NFE2L2: variants seen among roughly 807,000 people sequenced by gnomAD.
NFE2L2 encodes nuclear factor erythroid 2-related factor 2.
A neutral mutation model predicts 49.6 loss-of-function variants in NFE2L2; 20 were observed. That is an observed-to-expected ratio of 0.40 (90% CI 0.28 to 0.59). NFE2L2 has a LOEUF of 0.59. Among genes scored for constraint, NFE2L2 ranks in the 20% least tolerant of loss-of-function variants. The pLI is 0.40. For missense variants in NFE2L2, 578 were observed against 714.2 expected (o/e 0.81, Z 2.17); for synonymous variants, 244 against 256.5 (o/e 0.95, Z 0.47).
chr2:177,233,466 A>AT, intron 2 of NFE2L2, 127 bp from the exon 3 acceptor site: 1 of 763,566 alleles, frequency 1.3e-6, no homozygotes, highest in South Asian at 1.9e-5. Flanking sequence ...ATCTTATTTC[A>AT]GAGATCACTT....
intron 1 of NFE2L2, among the ~76,000 whole-genome samples, chr2:177,245,582 G>A (rs1690093886): frequency 6.6e-6 from 1 of 151,828 alleles, no homozygotes; most frequent in Non-Finnish European, 1.5e-5. Flanking sequence ...CCTCACTACA[G>A]TAGCATGAGG....
chr2:177,247,864 C>T (rs111510170), intron 1 of NFE2L2, among the ~76,000 whole-genome samples: 48 of 152,182 alleles, frequency 3.2e-4, no homozygotes, highest in African/African-American at 9.9e-4. Context: ...GGCTGGGGTA[C>T]CCGCAGATAA....
At chr2:177,243,740 A>G (rs529607861) in intron 1 of NFE2L2, among the ~76,000 whole-genome samples, 5 of 152,246 alleles carry the variant, frequency 3.3e-5, no homozygotes, top group Middle Eastern at 6.8e-3. Flanking sequence ...CTTGGCCCCA[A>G]CTGATCCTCC....
chr2:177,264,474 C>T, intron 1 of NFE2L2, 58 bp downstream of exon 1: 1 of 1,500,588 alleles, frequency 6.7e-7, no homozygotes, highest in South Asian at 1.2e-5. Context: ...CCGCGGTTCC[C>T]TAGCTCCCCC....
At chr2:177,246,239 A>T (rs115761043) in intron 1 of NFE2L2, among the ~76,000 whole-genome samples, 2,484 of 151,716 alleles carry the variant, frequency 0.016, 65 homozygotes, top group African/African-American at 0.057. Context: ...AATCAGGACA[A>T]CTCCCTTGCA....
chr2:177,240,521 T>G (rs1244960380), intron 1 of NFE2L2, among the ~76,000 whole-genome samples: 1 of 152,202 alleles, frequency 6.6e-6, no homozygotes, highest in Non-Finnish European at 1.5e-5. Flanking sequence ...CAAATTATGT[T>G]GCTAGCTTGG....
intron 3 of NFE2L2, 166 bp from the exon 4 acceptor site, chr2:177,232,749 C>T (rs1287346944): frequency 6.2e-6 from 4 of 643,026 alleles, no homozygotes; most frequent in Admixed American, 3.0e-5. Flanking sequence ...TTTCCTACCC[C>T]ACTGACTCAA....
intron 1 of NFE2L2, among the ~76,000 whole-genome samples, chr2:177,237,350 A>G (rs560123374): frequency 5.3e-4 from 81 of 152,324 alleles, no homozygotes; most frequent in Non-Finnish European, 8.8e-5. Context: ...AATAGCAACC[A>G]CAGAGCATTC....
intron 1 of NFE2L2, chr2:177,263,702 C>T (rs1690829515): frequency 5.1e-6 from 5 of 985,510 alleles, no homozygotes; most frequent in Non-Finnish European, 6.0e-6. Flanking sequence ...CCGCCGACTC[C>T]GGCCTCAGAG....
At chr2:177,256,816 T>G (rs913662510) in intron 1 of NFE2L2, among the ~76,000 whole-genome samples, 2 of 152,160 alleles carry the variant, frequency 1.3e-5, no homozygotes, top group African/African-American at 4.8e-5. Flanking sequence ...CTGGCAACCT[T>G]GGCTGTGGAG....
intron 1 of NFE2L2, among the ~76,000 whole-genome samples, chr2:177,242,394 T>C (rs181313752): frequency 7.2e-5 from 11 of 152,364 alleles, no homozygotes; most frequent in African/African-American, 2.6e-4. Context: ...CTTGAATAAC[T>C]AGAGACTTTT....
Position 177,231,647 on chromosome 2 carries a change from A to T in NFE2L2, c.956T>A (p.Val319Asp), listed in dbSNP as rs947558072. ...LSELLNGPID[V>D]SDLSLCKAFN... ...AGCTTTGCAAAGTGATAGATCAGAA[A>T]CATCAATGGGCCCATTTAGAAGTTC... The change falls in exon 5 of 5, where the codon GTT becomes GAT. Residue 319 changes from valine (V) to aspartate (D), a missense_variant. By Grantham distance (152) the Val-to-Asp change is radical. This residue lies in a region of NFE2L2 where 368 missense variants were observed against 384.6 expected (regional missense o/e 0.96). Coordinates refer to ENST00000397062, the MANE Select transcript of NFE2L2 (RefSeq NM_006164.5). 1 of 1,614,094 alleles carries T rather than the reference A, an allele frequency of 6.2e-7. No individual in the cohort carries two copies. The highest frequency in any genetic ancestry group is 1.3e-5 in the African/African-American group (1 of 74,926).
At chr2:177,247,484 A>G (rs964116148) in intron 1 of NFE2L2, among the ~76,000 whole-genome samples, 3 of 152,010 alleles carry the variant, frequency 2.0e-5, no homozygotes, top group African/African-American at 7.2e-5. Flanking sequence ...ACATGGTGAA[A>G]CCCTGTCTCT....
At chr2:177,244,782 G>A (rs553682448) in intron 1 of NFE2L2, among the ~76,000 whole-genome samples, 3 of 151,944 alleles carry the variant, frequency 2.0e-5, no homozygotes, top group African/African-American at 4.8e-5. Context: ...CGAGGCGGGC[G>A]GATCACGAGG....
At position 177,234,242 on chromosome 2, in the gene NFE2L2, C is replaced by G. The variant is rs773805109; in HGVS notation, c.75G>C (p.Arg25Ser). The change falls in exon 2 of 5, where the codon AGG becomes AGC. Residue 25 changes from arginine to serine, a missense_variant. Arg to Ser is a moderately radical substitution (Grantham distance 110). Coordinates refer to ENST00000397062, the MANE Select transcript of NFE2L2 (RefSeq NM_006164.5). ...QDMDLIDILW[R>S]QDIDLGVSRE... ...GACTTACTCCAAGATCTATATCTTG[C>G]CTCCAAAGTATGTCAATCAAATCCA... 22 of 1,612,114 alleles carry G rather than the reference C, an allele frequency of 1.4e-5. No homozygotes were observed. The highest frequency in any genetic ancestry group is 1.8e-5 in the Non-Finnish European group (21 of 1,179,662).
chr2:177,252,507 A>T (rs1690377560), intron 1 of NFE2L2, among the ~76,000 whole-genome samples: 1 of 152,238 alleles, frequency 6.6e-6, no homozygotes, highest in South Asian at 2.1e-4. Context: ...AGAATTTACT[A>T]AAAATAGTAA....
chr2:177,252,658 T>C (rs1690384247), intron 1 of NFE2L2, among the ~76,000 whole-genome samples: 1 of 2,652 alleles, frequency 3.8e-4, no homozygotes, highest in African/African-American at 4.5e-4. Flanking sequence ...GGTGGATGAG[T>C]ATTTTTAAAG....
chr2:177,247,684 CAAAAAAA>C (rs57701650), intron 1 of NFE2L2, among the ~76,000 whole-genome samples: 25 of 56,346 alleles, frequency 4.4e-4, no homozygotes, highest in South Asian at 3.4e-3. Context: ...CCCCACCCCG[CAAAAAAA>C]AAAAAAAAAA....
chr2:177,251,528 G>A (rs988887367), intron 1 of NFE2L2, among the ~76,000 whole-genome samples: 2 of 152,136 alleles, frequency 1.3e-5, no homozygotes, highest in African/African-American at 2.4e-5. Context: ...CAGAGGAGCC[G>A]GGGCAACGTG....
Sources: gnomAD v4.1 joint callset for allele counts (sites outside exome capture counted in the v4.1 genomes callset) on GRCh38, gnomAD v4.1.1 for gene constraint, gnomAD v4.1.1 regional missense constraint, MANE v1.5 for transcripts, NCBI Gene and HGNC (gene_info 2026-07-23, HGNC 2026-07-21) for gene names.